The following ADAT1 variants were observed in gnomAD, a reference collection of about 807,000 sequenced individuals.
ADAT1 encodes tRNA-specific adenosine deaminase 1.
ADAT1 carries 58 observed loss-of-function variants against 58.6 expected under a neutral mutation model. The observed-to-expected ratio is 0.99, with a 90% CI of 0.80 to 1.23. The LOEUF (loss-of-function observed/expected upper bound fraction) is 1.23, where lower values mean the gene tolerates loss of function less well. Among genes scored for constraint, ADAT1 ranks in the 50% most tolerant of loss-of-function variants. ADAT1 has a pLI of 0.00. For synonymous variants in ADAT1, 254 were observed against 220.8 expected (o/e 1.15, Z -1.33); for missense variants, 741 against 608.6 (o/e 1.22, Z -2.29).
chr16:75,615,943 G>A (rs1463344594), intron 5 of ADAT1, among the ~76,000 whole-genome samples: 1 of 151,796 alleles, frequency 6.6e-6, no homozygotes, highest in Non-Finnish European at 1.5e-5. Flanking sequence ...CTGCCTACCT[G>A]TCATTTTTCT....
intron 8 of ADAT1, among the ~76,000 whole-genome samples, chr16:75,605,797 T>G (rs1020034477): frequency 7.3e-5 from 11 of 150,988 alleles, no homozygotes; most frequent in Non-Finnish European, 8.9e-5. Flanking sequence ...AATAGCTGGG[T>G]GAGATGGCAG....
At chr16:75,612,147 G>T in intron 6 of ADAT1, 96 bp downstream of exon 6, 1 of 1,335,380 alleles carries the variant, frequency 7.5e-7, no homozygotes. Flanking sequence ...GGAACTGCTG[G>T]ATCAAAAGGT....
intron 4 of ADAT1, 128 bp from the exon 5 acceptor site, chr16:75,617,400 G>C (rs2081769003): frequency 3.9e-6 from 4 of 1,021,778 alleles, no homozygotes; most frequent in Non-Finnish European, 5.8e-6. Context: ...GGAATTATGA[G>C]AATGCTCTAG....
In ADAT1 at chr16:75,600,344, G is replaced by C; in HGVS notation, c.1381C>G (p.Gln461Glu). 6.2e-7 allele frequency: 1 copy of C among 1,613,402 alleles called. No individual in the cohort carries two copies. Among genetic ancestry groups the C allele is most frequent in the Non-Finnish European group, 8.5e-7 (1 of 1,179,950 alleles). Residue 461 changes from glutamine to glutamate, a missense_variant, in exon 10 of 10, where the codon CAG becomes GAG. Transcript: ENST00000564657. ...RDKWPHSLRV[Q>E]KLDTYQEYKE... ...TACTCCTGGTAGGTATCCAGCTTCT[G>C]CACCCTAATGCACACAGGCCACCAA...
intron 3 of ADAT1, 131 bp from the exon 4 acceptor site, chr16:75,618,771 G>A: frequency 2.0e-6 from 2 of 1,015,670 alleles, no homozygotes; most frequent in South Asian, 1.6e-5. Flanking sequence ...TTGCCAGAAG[G>A]TACCACAATC....
At chr16:75,617,106 C>T in intron 5 of ADAT1, 36 bp downstream of exon 5, 1 of 1,580,026 alleles carries the variant, frequency 6.3e-7, no homozygotes, top group Non-Finnish European at 8.7e-7. Flanking sequence ...GGAAGTAGTT[C>T]ATGTAACATT....
rs2081149832 is a variant in ADAT1, at chr16:75,599,044, T to C, written c.*1172A>G. ...AAAACAGGATTGGCTGCTGGGTCTATTGCTGATTTGCTGCAGGGCCTTTTG... is the reference window on the plus strand; with the variant it reads ...AAAACAGGATTGGCTGCTGGGTCTACTGCTGATTTGCTGCAGGGCCTTTTG... On this transcript the variant is annotated 3_prime_UTR_variant, in exon 10 of 10. Transcript: ENST00000564657. 4 of 985,214 alleles carry C rather than the reference T, an allele frequency of 4.1e-6. No homozygotes were observed. Among genetic ancestry groups the C allele is most frequent in the South Asian group, 4.7e-5 (1 of 21,266 alleles). 61.0% of individuals were successfully genotyped at this position (985,214 alleles called of 1,614,324 possible). A position where few individuals can be genotyped will look rare whatever the true frequency, so the allele number is the denominator to read the frequency against.
At chr16:75,621,395 T>G (rs1182593253) in intron 1 of ADAT1, among the ~76,000 whole-genome samples, 1 of 152,034 alleles carries the variant, frequency 6.6e-6, no homozygotes, top group Non-Finnish European at 1.5e-5. Flanking sequence ...ATTCACCCTT[T>G]CTGGGTTCTA....
chr16:75,607,754 G>A (rs1376555902), intron 8 of ADAT1, among the ~76,000 whole-genome samples: 1 of 152,102 alleles, frequency 6.6e-6, no homozygotes, highest in Non-Finnish European at 1.5e-5. Flanking sequence ...GAAAACATAT[G>A]GCCATGCAAA....
Position 75,597,297 on chromosome 16 carries a change from T to C in ADAT1, c.*2919A>G, listed in dbSNP as rs7192357. 0.018 allele frequency: 7,462 copies of C among 414,354 alleles called. 448 individuals carry two copies. Among genetic ancestry groups the C allele is most frequent in the African/African-American group, 0.14 (6,651 of 48,792 alleles). 25.7% of individuals were successfully genotyped at this position (414,354 alleles called of 1,614,324 possible). A position where few individuals can be genotyped will look rare whatever the true frequency, so the allele number is the denominator to read the frequency against. ...GACACAGACACAGGGAAGAAGGCCATGCGAGACACAGACACAGAAGGCCAT... is the reference window on the plus strand; with the variant it reads ...GACACAGACACAGGGAAGAAGGCCACGCGAGACACAGACACAGAAGGCCAT... On this transcript the variant is annotated 3_prime_UTR_variant, in exon 10 of 10. Coordinates refer to ENST00000564657, the MANE Select transcript of ADAT1 (RefSeq NM_001324445.2).
intron 8 of ADAT1, among the ~76,000 whole-genome samples, chr16:75,605,164 C>T (rs2081336205): frequency 6.6e-6 from 1 of 152,102 alleles, no homozygotes. Context: ...GATCTCGGCT[C>T]ACTGCAACCT....
At chr16:75,619,823 A>T in intron 3 of ADAT1, 1 of 317,430 alleles carries the variant, frequency 3.2e-6, no homozygotes, top group Non-Finnish European at 6.1e-6. Flanking sequence ...CAGGAAGGGG[A>T]GGTTGCAGAG....
intron 9 of ADAT1, among the ~76,000 whole-genome samples, chr16:75,602,854 G>T (rs2081266545): frequency 6.6e-6 from 1 of 152,252 alleles, no homozygotes; most frequent in Non-Finnish European, 1.5e-5. Context: ...CCAAGCCCCA[G>T]TTCTATCCTT....
At chr16:75,609,043 T>A in intron 6 of ADAT1, 55 bp from the exon 7 acceptor site, 1 of 1,601,864 alleles carries the variant, frequency 6.2e-7, no homozygotes, top group Non-Finnish European at 8.5e-7. Context: ...GAAAACAGTA[T>A]CTAGGATTGT....
intron 3 of ADAT1, chr16:75,619,518 G>A: frequency 2.3e-6 from 1 of 427,320 alleles, no homozygotes; most frequent in Admixed American, 2.9e-5. Flanking sequence ...GTGAGACCCT[G>A]TCTCTTAAAA....
intron 1 of ADAT1, among the ~76,000 whole-genome samples, chr16:75,621,810 G>A (rs1415014763): frequency 1.3e-5 from 2 of 151,556 alleles, no homozygotes; most frequent in African/African-American, 2.4e-5. Flanking sequence ...ATGCTCACTA[G>A]GCACATCCTG....
At position 75,622,873 on chromosome 16, in the gene ADAT1, C is replaced by T. The variant is rs999289495; in HGVS notation, c.-492G>A. ...TTGGAGGAAGGGACTCTGGTTTACG[C>T]TGGCTCCCTTCCTAAACACTTCCGG... On this transcript the variant is annotated 5_prime_UTR_variant, in exon 1 of 10. Coordinates refer to ENST00000564657, the MANE Select transcript of ADAT1 (RefSeq NM_001324445.2). 2.6e-5 allele frequency: 4 copies of T among 152,248 alleles called. No individual in the cohort carries two copies. Among genetic ancestry groups the T allele is most frequent in the Admixed American group, 1.3e-4 (2 of 15,282 alleles). 9.4% of individuals were successfully genotyped at this position (152,248 alleles called of 1,614,324 possible).
At chr16:75,603,969 C>T (rs1187455717) in intron 8 of ADAT1, among the ~76,000 whole-genome samples, 4 of 152,152 alleles carry the variant, frequency 2.6e-5, no homozygotes, top group African/African-American at 9.7e-5. Flanking sequence ...GGAACCTAGC[C>T]TACTTCAGGA....
rs776841033 is a variant in ADAT1, at chr16:75,620,580, A to G, written c.169+51T>C. 5.6e-6 allele frequency: 9 copies of G among 1,597,714 alleles called. No individual in the cohort carries two copies. In the East Asian group the frequency reaches 2.0e-4, roughly 36 times the overall value. On this transcript the variant is annotated intron_variant, in intron 2 of 9. Transcript: ENST00000564657. Reference sequence around the variant, plus strand: ...GTACCCTCACAGTACAGCAATGCATAATTTTACCATCTCTCACAGTGAGGA... The same window carrying G: ...GTACCCTCACAGTACAGCAATGCATGATTTTACCATCTCTCACAGTGAGGA...
Sources: allele counts gnomAD v4.1 joint callset (sites outside exome capture counted in the v4.1 genomes callset), GRCh38; gene constraint gnomAD v4.1.1; transcripts MANE v1.5; gene names NCBI Gene and HGNC (gene_info 2026-07-23, HGNC 2026-07-21).